Variants in MIPEP observed in about 807,000 individuals in gnomAD.
The protein encoded by MIPEP is mitochondrial intermediate peptidase.
Under a neutral mutation model 90.3 loss-of-function variants are expected in MIPEP, and 79 were observed. The ratio of observed to expected loss-of-function variants is 0.87; its 90% CI spans 0.73 to 1.05. MIPEP has a LOEUF of 1.05. Ranked by LOEUF, MIPEP falls within the 50% of genes least tolerant of loss-of-function variation. MIPEP has a pLI of 0.00. For missense variants in MIPEP, 940 were observed against 905.6 expected (o/e 1.04, Z -0.49); for synonymous variants, 334 against 315.8 (o/e 1.06, Z -0.61).
At chr13:23,745,122 G>T (rs77341802) in intron 18 of MIPEP, among the ~76,000 whole-genome samples, 8,236 of 152,150 alleles carry the variant, frequency 0.054, 737 homozygotes, top group African/African-American at 0.18. Flanking sequence ...TATGTGATGG[G>T]TCACAAAAAT....
chr13:23,801,813 C>A (rs1327318783), intron 16 of MIPEP, among the ~76,000 whole-genome samples: 1 of 152,152 alleles, frequency 6.6e-6, no homozygotes, highest in Non-Finnish European at 1.5e-5. Flanking sequence ...ATTGTTTATC[C>A]ATTTCTCTGA....
chr13:23,772,524 G>C (rs551472522), intron 16 of MIPEP, among the ~76,000 whole-genome samples: 1 of 152,128 alleles, frequency 6.6e-6, no homozygotes, highest in African/African-American at 2.4e-5. Context: ...GAATCAACTA[G>C]CATTACTTTA....
At chr13:23,808,824 A>G (rs1253750308) in intron 15 of MIPEP, among the ~76,000 whole-genome samples, 1 of 152,250 alleles carries the variant, frequency 6.6e-6, no homozygotes, top group Non-Finnish European at 1.5e-5. Flanking sequence ...CTTCACTGAA[A>G]CATGTATTTC....
chr13:23,852,755 C>T (rs1265241804), intron 10 of MIPEP, among the ~76,000 whole-genome samples: 4 of 152,138 alleles, frequency 2.6e-5, no homozygotes, highest in African/African-American at 2.4e-5. Flanking sequence ...AGCCTCAGGC[C>T]GGTCCTTCAG....
intron 15 of MIPEP, among the ~76,000 whole-genome samples, chr13:23,807,474 C>T (rs1049496978): frequency 1.3e-5 from 2 of 152,118 alleles, no homozygotes; most frequent in African/African-American, 4.8e-5. Flanking sequence ...TTTAAATGAC[C>T]TCTGGCTTCT....
intron 16 of MIPEP, among the ~76,000 whole-genome samples, chr13:23,780,211 G>A (rs555695932): frequency 4.6e-5 from 7 of 152,322 alleles, no homozygotes; most frequent in African/African-American, 7.2e-5. Flanking sequence ...CCCCAGTAGG[G>A]GCAGACTGAC....
chr13:23,860,834 T>G (rs1216240698), intron 9 of MIPEP, among the ~76,000 whole-genome samples: 1 of 23,130 alleles, frequency 4.3e-5, no homozygotes, highest in Non-Finnish European at 8.9e-5. Flanking sequence ...ACCATCTGGG[T>G]GAGAATAATG....
At chr13:23,804,003 G>C (rs1953077998) in intron 16 of MIPEP, among the ~76,000 whole-genome samples, 1 of 152,108 alleles carries the variant, frequency 6.6e-6, no homozygotes, top group Non-Finnish European at 1.5e-5. Context: ...CCAGTAAAGA[G>C]ATACATCTTT....
intron 4 of MIPEP, among the ~76,000 whole-genome samples, chr13:23,875,371 T>C (rs1197849595): frequency 1.1e-4 from 17 of 152,130 alleles, no homozygotes; most frequent in Admixed American, 1.1e-3. Flanking sequence ...TCAAAGGCCC[T>C]CTGCATGAGA....
chr13:23,809,848 AC>A lies in MIPEP; in HGVS notation c.1728+1del, dbSNP rs1330784197. On this transcript the variant is annotated splice_donor_variant, in intron 15 of 18. Transcript: ENST00000382172. LOFTEE classifies it high-confidence loss of function. ...AACTTCAGAACAAAGGTACATACAT[AC>A]CTGAAGTTGCATATCAGCTGCAGCA... 3 of 1,605,884 alleles carry A rather than the reference AC, an allele frequency of 1.9e-6. No homozygotes were observed. The African/African-American group carries it at 4.0e-5, about 21-fold the overall frequency.
chr13:23,741,774 T>C (rs557901172), intron 18 of MIPEP, among the ~76,000 whole-genome samples: 65 of 151,424 alleles, frequency 4.3e-4, no homozygotes, highest in Admixed American at 3.0e-3. Context: ...ATGACACAAG[T>C]TTACCTATAT....
intron 14 of MIPEP, among the ~76,000 whole-genome samples, chr13:23,813,214 G>A (rs1221167647): frequency 1.3e-5 from 2 of 152,034 alleles, no homozygotes; most frequent in African/African-American, 2.4e-5. Flanking sequence ...AATTAAAACT[G>A]AAATTTAAAA....
intron 14 of MIPEP, among the ~76,000 whole-genome samples, chr13:23,813,751 C>G (rs1953202317): frequency 6.6e-6 from 1 of 152,122 alleles, no homozygotes; most frequent in African/African-American, 2.4e-5. Flanking sequence ...AGGCATGAGC[C>G]ACCGTGTCCA....
At chr13:23,767,392 G>A (rs772790452) in intron 16 of MIPEP, among the ~76,000 whole-genome samples, 3 of 152,140 alleles carry the variant, frequency 2.0e-5, no homozygotes, top group Non-Finnish European at 4.4e-5. Context: ...TGCAAATATG[G>A]AAGGTATATA....
chr13:23,766,511 C>T (rs1952592443), intron 16 of MIPEP, among the ~76,000 whole-genome samples: 1 of 152,210 alleles, frequency 6.6e-6, no homozygotes, highest in Non-Finnish European at 1.5e-5. Context: ...AAGTGTTTAA[C>T]GATTTAACCA....
intron 3 of MIPEP, among the ~76,000 whole-genome samples, chr13:23,880,476 A>C (rs1871230217): frequency 6.6e-6 from 1 of 152,234 alleles, no homozygotes; most frequent in Admixed American, 6.5e-5. Flanking sequence ...TAAAGCCCAT[A>C]CTTCAGTCTG....
chr13:23,879,431 T>C (rs1871196881), intron 3 of MIPEP, 77 bp from the exon 4 acceptor site: 1 of 789,816 alleles, frequency 1.3e-6, no homozygotes, highest in Non-Finnish European at 2.1e-6. Context: ...AAGAATGGTG[T>C]CAGCTTGTAC....
At chr13:23,826,681 C>T (rs1280427384) in intron 14 of MIPEP, among the ~76,000 whole-genome samples, 4 of 152,152 alleles carry the variant, frequency 2.6e-5, no homozygotes, top group Middle Eastern at 3.4e-3. Context: ...AATTTAAATG[C>T]TTATGTTAAA....
In MIPEP at chr13:23,794,753, G is replaced by T. The variant is rs182410893; in HGVS notation, c.1848+11197C>A. Among the ~76,000 whole-genome samples, 628 of 152,162 alleles carry T rather than the reference G, an allele frequency of 4.1e-3. 19 individuals are homozygous for T. Among genetic ancestry groups the T allele is most frequent in the Admixed American group, 0.037 (564 of 15,282 alleles). Reference sequence around the variant, plus strand: ...AAAGGACCATATTAAAAAAACAACCGGGTAGTCATAATTTCCTCATGTTTT... The same window carrying T: ...AAAGGACCATATTAAAAAAACAACCTGGTAGTCATAATTTCCTCATGTTTT... On this transcript the variant is annotated intron_variant, in intron 16 of 18. Coordinates refer to ENST00000382172, the MANE Select transcript of MIPEP (RefSeq NM_005932.4).
Sources: allele counts gnomAD v4.1 joint callset (sites outside exome capture counted in the v4.1 genomes callset), GRCh38; gene constraint gnomAD v4.1.1; transcripts MANE v1.5; gene names NCBI Gene and HGNC (gene_info 2026-07-23, HGNC 2026-07-21).